Variants in RAB6A observed in about 807,000 individuals in gnomAD.
RAB6A encodes ras-related protein Rab-6A.
Under a neutral mutation model 32.3 loss-of-function variants are expected in RAB6A, and 8 were observed. That is an observed-to-expected ratio of 0.25 (90% CI 0.15 to 0.45). The LOEUF (loss-of-function observed/expected upper bound fraction) is 0.45. RAB6A is among the 20% of genes least tolerant of loss of function. RAB6A has a pLI of 1.00. For missense variants in RAB6A, 104 were observed against 249.4 expected (o/e 0.42, Z 3.93); for synonymous variants, 73 against 82.1 (o/e 0.89, Z 0.60).
chr11:73,717,694 T>C (rs1447533421), intron 4 of RAB6A, among the ~76,000 whole-genome samples: 1 of 152,226 alleles, frequency 6.6e-6, no homozygotes, highest in Non-Finnish European at 1.5e-5. Context: ...TCCGCCTGCC[T>C]TGGCCACCCA....
intron 6 of RAB6A, among the ~76,000 whole-genome samples, chr11:73,684,619 G>A (rs1207359683): frequency 1.3e-5 from 2 of 152,172 alleles, no homozygotes; most frequent in Non-Finnish European, 2.9e-5. Context: ...CCAGACTGCA[G>A]TATCTCCGAG....
chr11:73,680,023 A>T (rs1265982639), intron 6 of RAB6A, among the ~76,000 whole-genome samples: 1 of 152,148 alleles, frequency 6.6e-6, no homozygotes, highest in Non-Finnish European at 1.5e-5. Flanking sequence ...GCTTCAGCTC[A>T]GGAAGTGGAG....
chr11:73,719,765 G>A (rs1222056559), intron 3 of RAB6A, among the ~76,000 whole-genome samples: 5 of 151,666 alleles, frequency 3.3e-5, no homozygotes, highest in African/African-American at 1.2e-4. Context: ...ACAGGCGCCC[G>A]CCACCACGCC....
chr11:73,705,767 T>TGAGAGAGAGA (rs3046616), intron 6 of RAB6A, among the ~76,000 whole-genome samples: 7,569 of 134,678 alleles, frequency 0.056, 275 homozygotes, highest in Middle Eastern at 0.071. Flanking sequence ...ATAATTCCGA[T>TGAGAGAGAGA]GAGAGAGAGA....
At chr11:73,741,812 AAAATT>A (rs1946500134) in intron 1 of RAB6A, among the ~76,000 whole-genome samples, 1 of 152,220 alleles carries the variant, frequency 6.6e-6, no homozygotes, top group Non-Finnish European at 1.5e-5. Context: ...AAAGAAATAA[AAAATT>A]AAAACAAAAT....
At chr11:73,706,510 T>C (rs917290226) in intron 6 of RAB6A, among the ~76,000 whole-genome samples, 2 of 110,128 alleles carry the variant, frequency 1.8e-5, no homozygotes, top group Non-Finnish European at 2.2e-5. Context: ...CAAGACTCCA[T>C]CTCAAAAAAA....
intron 5 of RAB6A, among the ~76,000 whole-genome samples, chr11:73,713,463 G>A (rs908630580): frequency 2.6e-5 from 4 of 152,030 alleles, no homozygotes; most frequent in Non-Finnish European, 5.9e-5. Flanking sequence ...AGCTACTCAG[G>A]AGGCTGAGGC....
intron 5 of RAB6A, among the ~76,000 whole-genome samples, chr11:73,712,755 T>G: frequency 6.7e-6 from 1 of 150,212 alleles, no homozygotes; most frequent in Middle Eastern, 3.2e-3. Context: ...AGTTTCACTC[T>G]GTCACCCATG....
At chr11:73,752,786 CAAGCCTGGGTGACAGAGT>C in intron 1 of RAB6A, among the ~76,000 whole-genome samples, 1 of 147,986 alleles carries the variant, frequency 6.8e-6, no homozygotes, top group South Asian at 2.1e-4. Context: ...CCACTGCACT[CAAGCCTGGGTGACAGAGT>C]AAGACTCCAG....
chr11:73,677,700 A>G lies in RAB6A; in HGVS notation c.*198T>C. ...GAAATATTTTGGCTTTTTGTAAAAT[A>G]TAAATAATGAAGACACTGACTTTTG... On this transcript the variant is annotated 3_prime_UTR_variant, in exon 8 of 8. Transcript: ENST00000336083. 7.2e-7 allele frequency: 1 copy of G among 1,379,662 alleles called. No individual in the cohort carries two copies. The highest frequency in any genetic ancestry group is 9.7e-7 in the Non-Finnish European group (1 of 1,029,718). The allele number at this position is 1,379,662 out of a possible 1,614,324, so 85.5% of individuals were successfully genotyped here. A position where few individuals can be genotyped will look rare whatever the true frequency, so the allele number is the denominator to read the frequency against.
chr11:73,701,597 T>C (rs932704666), intron 6 of RAB6A, among the ~76,000 whole-genome samples: 1 of 152,252 alleles, frequency 6.6e-6, no homozygotes, highest in Non-Finnish European at 1.5e-5. Flanking sequence ...ACTAACACTC[T>C]TGTACATACA....
chr11:73,759,400 C>CAAA (rs1329957759), intron 1 of RAB6A, among the ~76,000 whole-genome samples: 1 of 151,888 alleles, frequency 6.6e-6, no homozygotes, highest in African/African-American at 2.4e-5. Context: ...GTATCTAATA[C>CAAA]AAAAGTACAG....
At chr11:73,732,543 G>C (rs1001413574) in intron 1 of RAB6A, among the ~76,000 whole-genome samples, 2 of 152,080 alleles carry the variant, frequency 1.3e-5, no homozygotes, top group Admixed American at 6.5e-5. Context: ...TCGAGACTGC[G>C]CCACCGCGCT....
At chr11:73,739,284 A>AAAAAAT (rs1208877325) in intron 1 of RAB6A, among the ~76,000 whole-genome samples, 3 of 6,760 alleles carry the variant, frequency 4.4e-4, no homozygotes, top group Non-Finnish European at 6.8e-4. Flanking sequence ...AAAAAAAAAA[A>AAAAAAT]ATATATATAT....
intron 6 of RAB6A, among the ~76,000 whole-genome samples, chr11:73,682,823 C>T (rs183987330): frequency 2.6e-3 from 402 of 152,188 alleles, no homozygotes; most frequent in Middle Eastern, 6.8e-3. Context: ...ACTATTATAC[C>T]CCGTTTAAAC....
chr11:73,723,535 G>C (rs1401844860), intron 2 of RAB6A, among the ~76,000 whole-genome samples: 1 of 151,736 alleles, frequency 6.6e-6, no homozygotes, highest in Non-Finnish European at 1.5e-5. Context: ...CTATATGTTG[G>C]CCAGGCTGGT....
intron 7 of RAB6A, among the ~76,000 whole-genome samples, chr11:73,678,721 TTG>T (rs1360899143): frequency 1.5e-5 from 2 of 130,658 alleles, no homozygotes; most frequent in Non-Finnish European, 3.2e-5. Context: ...TATGTTGTTG[TTG>T]TGTTTTTTTT....
intron 2 of RAB6A, chr11:73,730,009 G>A (rs1946280335): frequency 6.6e-6 from 1 of 152,326 alleles, no homozygotes; most frequent in Non-Finnish European, 1.5e-5. Context: ...GCTTCCCCAT[G>A]TGGCCCCCTC....
chr11:73,721,092 T>C (rs1230252843), intron 2 of RAB6A, among the ~76,000 whole-genome samples, 193 bp from the exon 3 acceptor site: 1 of 152,232 alleles, frequency 6.6e-6, no homozygotes, highest in Admixed American at 6.5e-5. Context: ...ACTTGCTTCA[T>C]ATCAGAGATT....
Sources: gnomAD v4.1 joint callset for allele counts (sites outside exome capture counted in the v4.1 genomes callset) on GRCh38, gnomAD v4.1.1 for gene constraint, MANE v1.5 for transcripts, NCBI Gene and HGNC (gene_info 2026-07-23, HGNC 2026-07-21) for gene names.